PKN3: variants seen among roughly 807,000 people sequenced by gnomAD.
PKN3 encodes the protein protein kinase N3, also known as serine/threonine-protein kinase N3.
PKN3 carries 91 observed loss-of-function variants against 113.1 expected under a neutral mutation model. The observed-to-expected ratio is 0.80, with a 90% CI of 0.68 to 0.96. The LOEUF is 0.96. PKN3 is among the 40% of genes least tolerant of loss of function. The pLI is 0.00. For synonymous variants in PKN3, 467 were observed against 499.0 expected, an observed-to-expected ratio of 0.94 and a Z score of 0.85; for missense variants, 1,052 against 1,202.2, an observed-to-expected ratio of 0.88 and a Z score of 1.85.
intron 15 of PKN3, among the ~76,000 whole-genome samples, chr9:128,716,260 A>C (rs1862333933): frequency 6.7e-6 from 1 of 148,284 alleles, no homozygotes; most frequent in Non-Finnish European, 1.5e-5. Context: ...ATCGCACCAC[A>C]TCACTCCAGC....
intron 7 of PKN3, 23 bp downstream of exon 7, chr9:128,713,221 G>T (rs374434216): frequency 6.2e-7 from 1 of 1,609,740 alleles, no homozygotes. Context: ...GGAGCTTCAG[G>T]GGGAGCAGGA....
intron 3 of PKN3, 62 bp from the exon 4 acceptor site, chr9:128,706,650 TG>T: frequency 8.0e-7 from 1 of 1,253,282 alleles, no homozygotes; most frequent in African/African-American, 1.5e-5. Context: ...CTCCAGTTCC[TG>T]GTCTGATGGG....
At chr9:128,705,925 T>A (rs767893433) in intron 3 of PKN3, 46 bp downstream of exon 3, 2 of 1,512,710 alleles carry the variant, frequency 1.3e-6, no homozygotes, top group African/African-American at 1.4e-5. Flanking sequence ...GCCCCTGGTC[T>A]GACAGGGAAA....
At chr9:128,712,301 C>T (rs1014433577) in intron 6 of PKN3, among the ~76,000 whole-genome samples, 2 of 152,212 alleles carry the variant, frequency 1.3e-5, no homozygotes, top group African/African-American at 2.4e-5. Flanking sequence ...CCAGACTCTC[C>T]CTAAATGATA....
Position 128,715,280 on chromosome 9 carries a change from A to C in PKN3, c.1716+45A>C. The C allele has an allele frequency of 6.2e-6, 10 of 1,609,358 alleles. No individual in the cohort carries two copies. The highest frequency in any genetic ancestry group is 8.5e-6 in the Non-Finnish European group (10 of 1,175,768). On this transcript the variant is annotated intron_variant, in intron 14 of 21. Coordinates refer to ENST00000291906, the MANE Select transcript of PKN3 (RefSeq NM_013355.5). This position sits in a 1 kb window ranked among gnomAD's most constrained non-coding sequence, Gnocchi z 4.1. ...GGTATGGGACGGGATTGGGGGCCTC[A>C]TCACATGAGCCGGGAGGACCTGATC... is the stretch of plus-strand genomic sequence containing the variant.
intron 15 of PKN3, 150 bp from the exon 16 acceptor site, chr9:128,716,596 TC>T (rs371709274): frequency 0.25 from 109,891 of 437,924 alleles, 197 homozygotes; most frequent in South Asian, 0.31. Context: ...AGACTGTGTC[TC>T]AAAAAAAAAA....
At chr9:128,705,652 T>G (rs1167892309) in intron 2 of PKN3, 82 bp from the exon 3 acceptor site, 20 of 1,540,012 alleles carry the variant, frequency 1.3e-5, no homozygotes, top group Non-Finnish European at 3.5e-6. Context: ...TGCCTATAGA[T>G]CAGTAGGGGA....
chr9:128,715,326 C>T lies in PKN3; in HGVS notation c.1717-43C>T. ...TGATCTGTGGGGGCGGTAAAGGCTC[C>T]CTGGTCTGGCCCACCTGGAGCACAA... is the stretch of plus-strand genomic sequence containing the variant. On this transcript the variant is annotated intron_variant, in intron 14 of 21. Coordinates refer to ENST00000291906, the MANE Select transcript of PKN3 (RefSeq NM_013355.5). The surrounding 1 kb of genome is among the most constrained non-coding windows in gnomAD (Gnocchi z 4.1). 2 of 1,608,194 alleles carry T rather than the reference C, an allele frequency of 1.2e-6. No homozygotes were observed. The highest frequency in any genetic ancestry group is 4.5e-5 in the East Asian group (2 of 44,840).
intron 15 of PKN3, 105 bp from the exon 16 acceptor site, chr9:128,716,641 TG>T: frequency 1.2e-6 from 1 of 813,914 alleles, no homozygotes; most frequent in Non-Finnish European, 2.0e-6. Flanking sequence ...TCTACTTGCC[TG>T]GCACTTTGGC....
intron 1 of PKN3, chr9:128,703,329 G>C (rs1430396204): frequency 4.1e-6 from 4 of 976,142 alleles, no homozygotes; most frequent in South Asian, 4.7e-5. Flanking sequence ...GGGCCTGGGG[G>C]GGTTAGAATG....
At position 128,706,907 on chromosome 9, in the gene PKN3, C is replaced by G; in HGVS notation, c.535C>G (p.Leu179Val). The change falls in exon 5 of 22, where the codon CTG becomes GTG. Residue 179 changes from leucine to valine, a missense_variant. Around this residue, in one of 2 missense-constraint regions of PKN3, gnomAD observed 719 missense variants for 759.4 expected, o/e 0.95. Transcript: ENST00000291906. ...CGTCCTTCCCACAGGGCCTGAGCTG[C>G]TGGCGGAGGAGCTACAGCATCGACT... ...SGSPEPGPEL[L>V]AEELQHRLHV... The G allele has an allele frequency of 6.2e-7, 1 of 1,614,178 alleles. No homozygotes were observed. Among genetic ancestry groups the G allele is most frequent in the Non-Finnish European group, 8.5e-7 (1 of 1,180,040 alleles).
Position 128,705,383 on chromosome 9 carries a change from G to C in PKN3, c.105G>C (p.Glu35Asp), listed in dbSNP as rs546780208. 50 of 1,597,610 alleles carry C rather than the reference G, an allele frequency of 3.1e-5. No individual in the cohort carries two copies. In the East Asian group the frequency reaches 1.0e-3, roughly 32 times the overall value. ...RAIQKELKIK[E>D]GVENLRRVAT... is the part of the protein sequence containing the mutation. ...TCCAGAAAGAGCTGAAGATCAAGGA[G>C]GGGGTGGAGAACCTGCGGCGCGTGG... The change falls in exon 2 of 22, where the codon GAG becomes GAC. Residue 35 changes from glutamate (E) to aspartate (D), a missense_variant. This residue lies in a region of PKN3 where 719 missense variants were observed against 759.4 expected (regional missense o/e 0.95). Transcript: ENST00000291906.
Position 128,715,149 on chromosome 9 carries a change from A to AT in PKN3, c.1653-22dup. ...CCCAGCCAGTGCCCTAGGGGACTTC[A>AT]TATACCCTCTCTTCCTTTGCAGGAA... On this transcript the variant is annotated intron_variant, in intron 13 of 21. Transcript: ENST00000291906. The surrounding 1 kb of genome is among the most constrained non-coding windows in gnomAD (Gnocchi z 4.1). The AT allele has an allele frequency of 6.2e-7, 1 of 1,612,452 alleles. No individual in the cohort carries two copies. Among genetic ancestry groups the AT allele is most frequent in the Non-Finnish European group, 8.5e-7 (1 of 1,178,682 alleles).
chr9:128,717,397 A>C (rs1008436588), intron 16 of PKN3, among the ~76,000 whole-genome samples: 5 of 150,796 alleles, frequency 3.3e-5, no homozygotes, highest in Non-Finnish European at 5.9e-5. Flanking sequence ...CAAAGTGCTG[A>C]GATTACAGGC....
Position 128,708,732 on chromosome 9 carries a change from A to G in PKN3, c.835+1327A>G, listed in dbSNP as rs1862093048. Among the ~76,000 whole-genome samples, 3 of 149,962 alleles carry G rather than the reference A, an allele frequency of 2.0e-5. No homozygotes were observed. In the South Asian group the frequency reaches 6.3e-4, roughly 32 times the overall value. On this transcript the variant is annotated intron_variant, in intron 6 of 21. Coordinates refer to ENST00000291906, the MANE Select transcript of PKN3 (RefSeq NM_013355.5). ...GTGGCGCATGCCTGTAATCCCATCTACTGGGGAGGCTGAGGCAAGAGAATT... is the reference window on the plus strand; with the variant it reads ...GTGGCGCATGCCTGTAATCCCATCTGCTGGGGAGGCTGAGGCAAGAGAATT...
intron 1 of PKN3, chr9:128,703,824 G>A: frequency 1.0e-6 from 1 of 985,436 alleles, no homozygotes; most frequent in Non-Finnish European, 1.2e-6. Flanking sequence ...TCCTCTGGAG[G>A]TCCCTCCGCC....
chr9:128,703,075 C>T (rs1861902676), intron 1 of PKN3, 136 bp downstream of exon 1: 7 of 633,888 alleles, frequency 1.1e-5, no homozygotes, highest in Non-Finnish European at 1.7e-5. Flanking sequence ...GCCCTGGCCC[C>T]GGCCCCGCGA....
At chr9:128,704,911 T>A (rs1258093286) in intron 1 of PKN3, among the ~76,000 whole-genome samples, 2 of 138,304 alleles carry the variant, frequency 1.4e-5, no homozygotes, top group African/African-American at 5.4e-5. Flanking sequence ...AGAGCAAAAC[T>A]GTCTCAAAAA....
chr9:128,718,300 A>T (rs746654722), intron 16 of PKN3, 25 bp from the exon 17 acceptor site: 2 of 1,607,748 alleles, frequency 1.2e-6, no homozygotes, highest in Non-Finnish European at 1.7e-6. Flanking sequence ...CTTGGGCCTG[A>T]GTTCTCCCAT....
Sources: allele counts gnomAD v4.1 joint callset (sites outside exome capture counted in the v4.1 genomes callset), GRCh38; gene constraint gnomAD v4.1.1; regional missense constraint gnomAD v4.1.1; non-coding constraint Gnocchi (gnomAD v3.1); transcripts MANE v1.5; gene names NCBI Gene and HGNC (gene_info 2026-07-23, HGNC 2026-07-21).